The following ACAD9 variants were observed in gnomAD, a reference collection of about 807,000 sequenced individuals.
The protein encoded by ACAD9 is complex I assembly factor ACAD9, mitochondrial.
In ACAD9, 53 loss-of-function variants were observed where a neutral mutation model predicts 70.2. The ratio of observed to expected loss-of-function variants is 0.75; its 90% CI spans 0.61 to 0.95. The LOEUF (loss-of-function observed/expected upper bound fraction) is 0.95, where lower values mean the gene tolerates loss of function less well. Ranked by LOEUF, ACAD9 falls within the 40% of genes least tolerant of loss-of-function variation. The pLI is 0.00. For missense variants in ACAD9, 777 were observed against 802.8 expected (o/e 0.97, Z 0.39); for synonymous variants, 313 against 312.1 (o/e 1.00, Z -0.03).
At chr3:128,893,533 A>G (rs1935481022) in intron 2 of ACAD9, 22 bp from the exon 3 acceptor site, 2 of 1,558,306 alleles carry the variant, frequency 1.3e-6, no homozygotes, top group South Asian at 1.1e-5. Context: ...TATTTGTTTA[A>G]TCAAGATTTT....
intron 13 of ACAD9, 135 bp from the exon 14 acceptor site, chr3:128,908,838 C>T: frequency 1.2e-5 from 17 of 1,423,504 alleles, no homozygotes; most frequent in Non-Finnish European, 1.6e-5. Context: ...TGGGGGGGTT[C>T]AGGCTGTAGC....
At chr3:128,909,496 C>T in intron 15 of ACAD9, 75 bp downstream of exon 15, 1 of 1,454,432 alleles carries the variant, frequency 6.9e-7, no homozygotes, top group Non-Finnish European at 9.6e-7. Context: ...TACTTTTTGT[C>T]AAGCATCCTT....
chr3:128,888,691 TTTTG>T (rs760940550), intron 2 of ACAD9, among the ~76,000 whole-genome samples: 3 of 152,308 alleles, frequency 2.0e-5, no homozygotes, highest in Admixed American at 6.5e-5. Flanking sequence ...ATTGCTTGGT[TTTTG>T]TTTGTTTCTT....
chr3:128,896,239 C>T (rs1048448133), intron 4 of ACAD9, among the ~76,000 whole-genome samples, 197 bp from the exon 5 acceptor site: 9 of 152,256 alleles, frequency 5.9e-5, no homozygotes, highest in African/African-American at 1.7e-4. Context: ...CACAGGCTCA[C>T]GGCACTGGCA....
chr3:128,880,040 G>A, intron 1 of ACAD9, 199 bp downstream of exon 1: 1 of 1,534,620 alleles, frequency 6.5e-7, no homozygotes. Context: ...CAAGACGGGG[G>A]ACCCTTGGAA....
At chr3:128,884,587 A>G in intron 1 of ACAD9, 66 bp from the exon 2 acceptor site, 2 of 1,199,410 alleles carry the variant, frequency 1.7e-6, no homozygotes, top group South Asian at 1.3e-5. Flanking sequence ...TTCCCTTTTA[A>G]CTGATATTTC....
chr3:128,889,995 T>G (rs1301229618), intron 2 of ACAD9, among the ~76,000 whole-genome samples: 1 of 152,084 alleles, frequency 6.6e-6, no homozygotes, highest in African/African-American at 2.4e-5. Context: ...CTAATAATTC[T>G]TAAAGTTTTT....
chr3:128,912,932 G>A lies in ACAD9; in HGVS notation c.*325G>A. On this transcript the variant is annotated 3_prime_UTR_variant, in exon 18 of 18. Coordinates refer to ENST00000308982, the MANE Select transcript of ACAD9 (RefSeq NM_014049.5). ...GGGCTTATGCTGCTGCCTCCAGGGT[G>A]TGAGGTGGGTGGGGACCTGTGTCAG... The A allele has an allele frequency of 1.9e-6, 1 of 524,278 alleles. No homozygotes were observed. Among genetic ancestry groups the A allele is most frequent in the Non-Finnish European group, 3.7e-6 (1 of 269,404 alleles). The allele number at this position is 524,278 out of a possible 1,614,324, so 32.5% of individuals were successfully genotyped here.
At chr3:128,909,480 T>C (rs1357786661) in intron 15 of ACAD9, 59 bp downstream of exon 15, 1 of 1,530,488 alleles carries the variant, frequency 6.5e-7, no homozygotes, top group Non-Finnish European at 9.0e-7. Context: ...CCAGCATTCA[T>C]GAGACTACTT....
In ACAD9 at chr3:128,906,255, T is replaced by C. The variant is rs759358857; in HGVS notation, c.1278+6T>C. Reference sequence around the variant, plus strand: ...GCATCCTCCTCATCTTCGAGGTGAGTGGCCCCGCCACCAGCTAAGCTGTGC... The same window carrying C: ...GCATCCTCCTCATCTTCGAGGTGAGCGGCCCCGCCACCAGCTAAGCTGTGC... On this transcript the variant is annotated splice_donor_region_variant and intron_variant, in intron 12 of 17. Coordinates refer to ENST00000308982, the MANE Select transcript of ACAD9 (RefSeq NM_014049.5). 6.8e-5 allele frequency: 109 copies of C among 1,611,028 alleles called. No homozygotes were observed. The highest frequency in any genetic ancestry group is 6.3e-4 in the Admixed American group (38 of 59,924).
At chr3:128,890,572 G>A (rs907687216) in intron 2 of ACAD9, among the ~76,000 whole-genome samples, 2 of 151,616 alleles carry the variant, frequency 1.3e-5, no homozygotes. Flanking sequence ...CGTGGTGGCA[G>A]GTGCCTGTAG....
chr3:128,908,648 C>G (rs902239705), intron 13 of ACAD9: 2 of 538,770 alleles, frequency 3.7e-6, no homozygotes, highest in Non-Finnish European at 3.3e-6. Flanking sequence ...CCTCCACCCC[C>G]ACCCTAGGGG....
chr3:128,892,467 A>T (rs945218519), intron 2 of ACAD9, among the ~76,000 whole-genome samples: 4 of 152,236 alleles, frequency 2.6e-5, no homozygotes, highest in African/African-American at 9.6e-5. Flanking sequence ...AATTTGATGC[A>T]TACAAAAGTG....
chr3:128,879,934 A>C (rs756116678), intron 1 of ACAD9, 93 bp downstream of exon 1: 5 of 1,598,590 alleles, frequency 3.1e-6, no homozygotes, highest in African/African-American at 2.7e-5. Flanking sequence ...GATTCCCCAA[A>C]CCTGCCAGAG....
rs757427510 is a variant in ACAD9 at position 128,910,731 on chromosome 3, G to C, written c.1693-10G>C. ...TTTGGGCATATCTTTTCTGTCCTCG[G>C]TTCTGGCAGGTTCTCTTGGCCAACA... On this transcript the variant is annotated splice_polypyrimidine_tract_variant and intron_variant, in intron 16 of 17. Coordinates refer to ENST00000308982, the MANE Select transcript of ACAD9 (RefSeq NM_014049.5). 1 of 1,614,214 alleles carries C rather than the reference G, an allele frequency of 6.2e-7. No individual in the cohort carries two copies. The highest frequency in any genetic ancestry group is 1.1e-5 in the South Asian group (1 of 91,084).
In ACAD9 at chr3:128,909,348, G is replaced by A. The variant is rs1404656999; in HGVS notation, c.1490G>A (p.Ser497Asn). ...HGVVHPSLADSANKFEENTYC... is the reference protein window; with the variant it reads ...HGVVHPSLADNANKFEENTYC... Reference sequence around the variant, plus strand: ...GAGTCCTGTCTTGGTTAATAGGACAGTGCCAACAAGTTTGAGGAGAACACC... The same window carrying A: ...GAGTCCTGTCTTGGTTAATAGGACAATGCCAACAAGTTTGAGGAGAACACC... Residue 497 changes from serine (S) to asparagine (N), a missense_variant, in exon 15 of 18, where the codon AGT becomes AAT. Coordinates refer to ENST00000308982, the MANE Select transcript of ACAD9 (RefSeq NM_014049.5). 6.2e-7 allele frequency: 1 copy of A among 1,614,212 alleles called. No individual in the cohort carries two copies.
chr3:128,893,529 T>TTGA, intron 2 of ACAD9, 26 bp from the exon 3 acceptor site: 1 of 1,533,044 alleles, frequency 6.5e-7, no homozygotes, highest in Non-Finnish European at 9.0e-7. Context: ...CTTATATTTG[T>TTGA]TTAATCAAGA....
At position 128,879,683 on chromosome 3, in the gene ACAD9, T is replaced by C. The variant is rs745859672; in HGVS notation, c.-9T>C. 1.7e-5 allele frequency: 28 copies of C among 1,612,026 alleles called. No individual in the cohort carries two copies. The African/African-American group carries it at 3.5e-4, about 20-fold the overall frequency. The stretch of plus-strand genomic sequence containing the variant: ...AGACTGAGGCTGAGGCTGGGGAACA[T>C]CGGGCAGCATGAGCGGCTGCGGGCT... On this transcript the variant is annotated 5_prime_UTR_variant, in exon 1 of 18. Coordinates refer to ENST00000308982, the MANE Select transcript of ACAD9 (RefSeq NM_014049.5).
At chr3:128,911,109 T>C (rs769763328) in intron 17 of ACAD9, among the ~76,000 whole-genome samples, 5 of 152,166 alleles carry the variant, frequency 3.3e-5, no homozygotes, top group Non-Finnish European at 7.4e-5. Context: ...CAAGCTGGAG[T>C]GTAATGGCGC....
Sources: gnomAD v4.1 joint callset for allele counts (sites outside exome capture counted in the v4.1 genomes callset) on GRCh38, gnomAD v4.1.1 for gene constraint, MANE v1.5 for transcripts, NCBI Gene and HGNC (gene_info 2026-07-23, HGNC 2026-07-21) for gene names.